The following H2AZ2 variants were observed in gnomAD, a reference collection of about 807,000 sequenced individuals.
The protein encoded by H2AZ2 is histone H2A.V.
H2AZ2 carries 5 observed loss-of-function variants against 15.5 expected under a neutral mutation model. The ratio of observed to expected loss-of-function variants is 0.32; its 90% CI spans 0.17 to 0.68. The LOEUF is 0.68. Among genes scored for constraint, H2AZ2 ranks in the 30% least tolerant of loss-of-function variants. The pLI, the probability that H2AZ2 is intolerant of heterozygous loss-of-function variation, is 0.72. For missense variants in H2AZ2, 42 were observed against 162.5 expected (o/e 0.26, Z 4.03); for synonymous variants, 44 against 57.4 (o/e 0.77, Z 1.05).
At chr7:44,847,014 T>C (rs1793428368) in intron 1 of H2AZ2, among the ~76,000 whole-genome samples, 1 of 152,196 alleles carries the variant, frequency 6.6e-6, no homozygotes, top group Non-Finnish European at 1.5e-5. Flanking sequence ...ATCTGTCACA[T>C]CAAGCACAAG....
intron 3 of H2AZ2, among the ~76,000 whole-genome samples, chr7:44,836,056 T>C (rs773711990): frequency 8.0e-5 from 12 of 150,000 alleles, no homozygotes; most frequent in Non-Finnish European, 7.4e-5. Flanking sequence ...ACCTCCCAAG[T>C]GCAGGGTTAT....
In H2AZ2 at chr7:44,848,027, G is replaced by T; in HGVS notation, c.-56C>A. The T allele has an allele frequency of 5.1e-6, 6 of 1,168,272 alleles. No homozygotes were observed. Among genetic ancestry groups the T allele is most frequent in the Non-Finnish European group, 6.5e-6 (6 of 920,304 alleles). 72.4% of individuals were successfully genotyped at this position (1,168,272 alleles called of 1,614,324 possible). A position where few individuals can be genotyped will look rare whatever the true frequency, so the allele number is the denominator to read the frequency against. Reference sequence around the variant, plus strand: ...CCGCGCGCCCTCCCGCTGCCGACCCGCGCCGCCGCCGCCGCTCTCGCAGCA... The same window carrying T: ...CCGCGCGCCCTCCCGCTGCCGACCCTCGCCGCCGCCGCCGCTCTCGCAGCA... On this transcript the variant is annotated 5_prime_UTR_variant, in exon 1 of 5. Coordinates refer to ENST00000308153, the MANE Select transcript of H2AZ2 (RefSeq NM_012412.5).
chr7:44,846,876 G>A (rs1793424863), intron 1 of H2AZ2, among the ~76,000 whole-genome samples: 1 of 152,132 alleles, frequency 6.6e-6, no homozygotes, highest in South Asian at 2.1e-4. Flanking sequence ...CTATACGTTA[G>A]ACGTTGGAAG....
chr7:44,846,484 G>A (rs1487430547), intron 1 of H2AZ2, among the ~76,000 whole-genome samples: 1 of 151,762 alleles, frequency 6.6e-6, no homozygotes, highest in Admixed American at 6.6e-5. Flanking sequence ...GGGCGTGGTG[G>A]CGCACGCCTG....
intron 1 of H2AZ2, among the ~76,000 whole-genome samples, chr7:44,847,371 G>A (rs1321118512): frequency 6.6e-6 from 1 of 152,182 alleles, no homozygotes; most frequent in Non-Finnish European, 1.5e-5. Context: ...AAGTACTGTT[G>A]TATAATGAAA....
chr7:44,836,202 A>G (rs2117027722), intron 3 of H2AZ2, among the ~76,000 whole-genome samples: 1 of 151,978 alleles, frequency 6.6e-6, no homozygotes, highest in East Asian at 1.9e-4. Flanking sequence ...TGCTGAAATG[A>G]TCTGCCCACC....
In H2AZ2 at chr7:44,847,975, C is replaced by T; in HGVS notation, c.-4G>A. The T allele has an allele frequency of 6.9e-7, 1 of 1,458,464 alleles. No homozygotes were observed. Among genetic ancestry groups the T allele is most frequent in the Non-Finnish European group, 9.0e-7 (1 of 1,108,322 alleles). 90.3% of individuals were successfully genotyped at this position (1,458,464 alleles called of 1,614,324 possible). ...CCCACCCGGCCGCCCTTACCATGTT[C>T]TCGGCGCCGACTCCGCCTCCGCTCG... is the stretch of plus-strand genomic sequence containing the variant. On this transcript the variant is annotated 5_prime_UTR_variant, in exon 1 of 5. Coordinates refer to ENST00000308153, the MANE Select transcript of H2AZ2 (RefSeq NM_012412.5).
intron 1 of H2AZ2, among the ~76,000 whole-genome samples, 196 bp downstream of exon 1, chr7:44,847,773 C>T (rs1343894711): frequency 2.6e-5 from 4 of 152,192 alleles, no homozygotes; most frequent in African/African-American, 9.6e-5. Context: ...CCCGGCCAGG[C>T]CCAGCTCTCA....
At chr7:44,826,896 T>C (rs950491266) in exon 5 of H2AZ2, 6 of 152,222 alleles carry the variant, frequency 3.9e-5, no homozygotes, top group African/African-American at 1.4e-4. Context: ...GAAGCACACA[T>C]CCATGAAAAA....
At chr7:44,841,274 T>A (rs1793269786) in intron 2 of H2AZ2, among the ~76,000 whole-genome samples, 1 of 152,182 alleles carries the variant, frequency 6.6e-6, no homozygotes, top group Non-Finnish European at 1.5e-5. Context: ...AACTGTACGT[T>A]CAACATGACC....
intron 2 of H2AZ2, among the ~76,000 whole-genome samples, chr7:44,842,941 C>T (rs979283193): frequency 1.3e-5 from 2 of 151,704 alleles, no homozygotes; most frequent in African/African-American, 4.8e-5. Flanking sequence ...GAGATTGAGA[C>T]CATCTTGGCC....
chr7:44,834,208 C>A lies in H2AZ2; in HGVS notation c.*293G>T. On this transcript the variant is annotated 3_prime_UTR_variant, in exon 5 of 5. Transcript: ENST00000308153. The stretch of plus-strand genomic sequence containing the variant: ...TAAAATATTTCTAATACATCATGAA[C>A]AGAACAGTTTTGAGACAAATTAATT... 1 of 1,143,798 alleles carries A rather than the reference C, an allele frequency of 8.7e-7. No individual in the cohort carries two copies. The highest frequency in any genetic ancestry group is 3.5e-5 in the South Asian group (1 of 28,262). The allele number at this position is 1,143,798 out of a possible 1,614,324, so 70.9% of individuals were successfully genotyped here.
In H2AZ2 at chr7:44,844,153, T is replaced by C. The variant is rs576654523; in HGVS notation, c.4-799A>G. On this transcript the variant is annotated intron_variant, in intron 1 of 4. Coordinates refer to ENST00000308153, the MANE Select transcript of H2AZ2 (RefSeq NM_012412.5). ...GAAAGCAAGGATTCAAACAAATACA[T>C]GTATACCCACGTTCACAGAAGCATT... Among the ~76,000 whole-genome samples, 3 of 152,088 alleles carry C rather than the reference T, an allele frequency of 2.0e-5. No individual in the cohort carries two copies. In the East Asian group the frequency reaches 5.8e-4, roughly 29 times the overall value.
rs538002408 is a variant in H2AZ2, at chr7:44,833,204, C to T, written c.*1297G>A. Among the ~76,000 whole-genome samples, 10 of 151,790 alleles carry T rather than the reference C, an allele frequency of 6.6e-5. No homozygotes were observed. Among genetic ancestry groups the T allele is most frequent in the Non-Finnish European group, 1.5e-4 (10 of 67,958 alleles). ...GTTGGGACAACATGTGTGTACCATG[C>T]CTGGCTAATTTCTGTATTTTTAGTA... On this transcript the variant is annotated 3_prime_UTR_variant, in exon 5 of 5. Transcript: ENST00000308153.
chr7:44,831,539 C>A (rs111904389), downstream of H2AZ2, among the ~76,000 whole-genome samples: 1 of 151,704 alleles, frequency 6.6e-6, no homozygotes, highest in East Asian at 1.9e-4. Flanking sequence ...CTCCCCCCCC[C>A]GCTTCTTTTT....
Position 44,848,040 on chromosome 7 carries a change from C to A in H2AZ2, c.-69G>T, listed in dbSNP as rs926933316. The A allele has an allele frequency of 4.7e-6, 5 of 1,073,082 alleles. No individual in the cohort carries two copies. Among genetic ancestry groups the A allele is most frequent in the South Asian group, 6.3e-5 (2 of 31,532 alleles). 66.5% of individuals were successfully genotyped at this position (1,073,082 alleles called of 1,614,324 possible). A position where few individuals can be genotyped will look rare whatever the true frequency, so the allele number is the denominator to read the frequency against. ...CGCTGCCGACCCGCGCCGCCGCCGC[C>A]GCTCTCGCAGCACCGACCGCCGCCG... On this transcript the variant is annotated 5_prime_UTR_variant, in exon 1 of 5. Coordinates refer to ENST00000308153, the MANE Select transcript of H2AZ2 (RefSeq NM_012412.5).
intron 1 of H2AZ2, among the ~76,000 whole-genome samples, chr7:44,846,655 CAAAAA>C (rs78453116): frequency 7.5e-6 from 1 of 132,480 alleles, no homozygotes. Context: ...AACAAAAAAC[CAAAAA>C]AAAAAAAAAC....
intron 1 of H2AZ2, among the ~76,000 whole-genome samples, chr7:44,846,030 C>CAT (rs1562790027): frequency 0.024 from 1,924 of 79,606 alleles, 16 homozygotes; most frequent in Non-Finnish European, 0.037. Flanking sequence ...AAATTACACA[C>CAT]ACACACACAC....
chr7:44,827,169 G>A (rs911466702), downstream of H2AZ2: 9 of 152,214 alleles, frequency 5.9e-5, no homozygotes, highest in Non-Finnish European at 1.2e-4. Flanking sequence ...GACGTTTGAA[G>A]TTAGAAAGGA....
Sources: gnomAD v4.1 joint callset for allele counts (sites outside exome capture counted in the v4.1 genomes callset) on GRCh38, gnomAD v4.1.1 for gene constraint, MANE v1.5 for transcripts, NCBI Gene and HGNC (gene_info 2026-07-23, HGNC 2026-07-21) for gene names.